Variants in CADM2 observed in about 807,000 individuals in gnomAD.
CADM2 encodes the protein cell adhesion molecule 2.
In CADM2, 12 loss-of-function variants were observed where a neutral mutation model predicts 49.8. That is an observed-to-expected ratio of 0.24 (90% CI 0.15 to 0.39). CADM2 has a LOEUF of 0.39. Among genes scored for constraint, CADM2 ranks in the 10% least tolerant of loss-of-function variants. The pLI is 1.00. For missense variants in CADM2, 378 were observed against 492.3 expected, an observed-to-expected ratio of 0.77 and a Z score of 2.20; for synonymous variants, 214 against 175.4, an observed-to-expected ratio of 1.22 and a Z score of -1.74.
At chr3:85,052,745 C>G (rs1184745333) in intron 1 of CADM2, among the ~76,000 whole-genome samples, 1 of 152,026 alleles carries the variant, frequency 6.6e-6, no homozygotes, top group Non-Finnish European at 1.5e-5. Flanking sequence ...TAAAACCATT[C>G]TACTTTTAAA....
intron 1 of CADM2, among the ~76,000 whole-genome samples, chr3:85,365,199 C>CTTTTTTTTTTTTTTTTTTTTTTTATTTTT (rs397962829): frequency 1.9e-5 from 2 of 104,692 alleles, no homozygotes; most frequent in Non-Finnish European, 3.6e-5. Context: ...TTTTTTTTTA[C>CTTTTTTTTTTTTTTTTTTTTTTTATTTTT]TTTTTTTTTT....
chr3:85,123,659 GA>G (rs1434943213), intron 1 of CADM2, among the ~76,000 whole-genome samples: 4 of 152,092 alleles, frequency 2.6e-5, no homozygotes, highest in Non-Finnish European at 5.9e-5. Context: ...TTGATATCAG[GA>G]GGCAAATTGT....
At chr3:85,867,945 AAC>A (rs1175829586) in intron 3 of CADM2, among the ~76,000 whole-genome samples, 1 of 152,050 alleles carries the variant, frequency 6.6e-6, no homozygotes, top group African/African-American at 2.4e-5. Flanking sequence ...TTCTTGCTAA[AAC>A]ACAGTCTAAA....
In CADM2 at chr3:85,073,804, A is replaced by G. The variant is rs774832751; in HGVS notation, c.61+114136A>G. Among the ~76,000 whole-genome samples the G allele has an allele frequency of 1.3e-5, 2 of 152,108 alleles. 1 individual carries two copies. Among genetic ancestry groups the G allele is most frequent in the Admixed American group, 1.3e-4 (2 of 15,250 alleles). ...TATTTCACACTGACAGCACCTCTCA[A>G]TTTGGGCGCAAAATTTTTAGTAGGA... On this transcript the variant is annotated intron_variant, in intron 1 of 9. Coordinates refer to ENST00000383699, the MANE Select transcript of CADM2 (RefSeq NM_001167675.2).
intron 8 of CADM2, among the ~76,000 whole-genome samples, chr3:86,033,761 A>G (rs1041298991): frequency 6.8e-6 from 1 of 146,486 alleles, no homozygotes; most frequent in Non-Finnish European, 1.5e-5. Flanking sequence ...AAATATATAT[A>G]TATACACATT....
At chr3:86,017,558 G>A (rs1185030764) in intron 8 of CADM2, among the ~76,000 whole-genome samples, 2 of 151,548 alleles carry the variant, frequency 1.3e-5, no homozygotes, top group East Asian at 1.9e-4. Context: ...GAGGAATCCC[G>A]CCTCTACAAA....
At chr3:85,009,792 G>A (rs919234897) in intron 1 of CADM2, among the ~76,000 whole-genome samples, 4 of 151,792 alleles carry the variant, frequency 2.6e-5, no homozygotes, top group South Asian at 2.1e-4. Flanking sequence ...CTTGAACCCC[G>A]GAGGTGGAGG....
intron 8 of CADM2, among the ~76,000 whole-genome samples, chr3:86,010,033 G>A (rs987182467): frequency 2.6e-5 from 4 of 151,782 alleles, no homozygotes; most frequent in Admixed American, 6.6e-5. Flanking sequence ...TGGAAAGTCC[G>A]ACATTAACTC....
chr3:85,176,227 G>C (rs1461949843), intron 1 of CADM2, among the ~76,000 whole-genome samples: 2 of 152,212 alleles, frequency 1.3e-5, no homozygotes, highest in South Asian at 4.1e-4. Flanking sequence ...GCAATAGGCT[G>C]CGCTGTCACT....
At chr3:85,558,196 G>C (rs1301263086) in intron 1 of CADM2, among the ~76,000 whole-genome samples, 1 of 151,880 alleles carries the variant, frequency 6.6e-6, no homozygotes, top group African/African-American at 2.4e-5. Flanking sequence ...TTATAGATAT[G>C]AATGTGATGC....
chr3:86,057,266 T>C (rs749342704), intron 8 of CADM2, among the ~76,000 whole-genome samples: 62 of 152,252 alleles, frequency 4.1e-4, no homozygotes, highest in Non-Finnish European at 7.6e-4. Context: ...TGTACCATAG[T>C]GCCCCTCTTT....
chr3:85,786,165 A>G (rs1041158771), intron 2 of CADM2, among the ~76,000 whole-genome samples: 1 of 152,138 alleles, frequency 6.6e-6, no homozygotes. Context: ...AAAGATTTTT[A>G]CACTTTCACC....
intron 1 of CADM2, among the ~76,000 whole-genome samples, chr3:85,589,536 C>T (rs527545463): frequency 6.6e-6 from 1 of 152,042 alleles, no homozygotes; most frequent in East Asian, 1.9e-4. Context: ...ATCCTGTAGG[C>T]TGGTCTAACG....
At chr3:85,775,440 A>G (rs1177383807) in intron 2 of CADM2, among the ~76,000 whole-genome samples, 1 of 151,804 alleles carries the variant, frequency 6.6e-6, no homozygotes, top group Non-Finnish European at 1.5e-5. Flanking sequence ...TTCAGGTCTT[A>G]AAGACATAGT....
In CADM2 at chr3:85,726,537, A is replaced by C; in HGVS notation, c.77A>C (p.Asn26Thr). The C allele has an allele frequency of 6.2e-7, 1 of 1,612,226 alleles. No individual in the cohort carries two copies. Residue 26 changes from asparagine (N) to threonine (T), a missense_variant, in exon 2 of 10, where the codon AAT (asparagine) becomes ACT (threonine). Physicochemically the swap from Asn to Thr is moderately conservative, Grantham distance 65. Transcript: ENST00000383699. ...GLLLQAAASK[N>T]KVKGSQGQFP... Reference sequence around the variant, plus strand: ...TTGGTACCAGCGGCTGCTTCAAAGAATAAAGTTAAAGGTGAGCTCCTGTTT... The same window carrying C: ...TTGGTACCAGCGGCTGCTTCAAAGACTAAAGTTAAAGGTGAGCTCCTGTTT...
intron 1 of CADM2, among the ~76,000 whole-genome samples, chr3:85,054,641 C>T (rs988387584): frequency 3.3e-5 from 5 of 151,792 alleles, no homozygotes; most frequent in East Asian, 1.9e-4. Context: ...AGGAGAAATG[C>T]GATCTTTGTT....
intron 1 of CADM2, among the ~76,000 whole-genome samples, chr3:85,428,425 C>CTT (rs1457853185): frequency 7.1e-6 from 1 of 141,514 alleles, no homozygotes; most frequent in Non-Finnish European, 1.5e-5. Context: ...ATAAGTAAGG[C>CTT]TTATATATAT....
chr3:85,883,253 A>C (rs766050905), intron 3 of CADM2, 38 bp from the exon 4 acceptor site: 1 of 1,562,588 alleles, frequency 6.4e-7, no homozygotes, highest in Non-Finnish European at 8.7e-7. Flanking sequence ...ACTGTTTCTG[A>C]TGTCCTTATT....
At chr3:85,619,499 G>A (rs1340522526) in intron 1 of CADM2, among the ~76,000 whole-genome samples, 2 of 152,088 alleles carry the variant, frequency 1.3e-5, no homozygotes, top group Non-Finnish European at 2.9e-5. Context: ...GGAGATCACT[G>A]CAAATCAGTT....
Sources: gnomAD v4.1 joint callset for allele counts (sites outside exome capture counted in the v4.1 genomes callset) on GRCh38, gnomAD v4.1.1 for gene constraint, MANE v1.5 for transcripts, NCBI Gene and HGNC (gene_info 2026-07-23, HGNC 2026-07-21) for gene names.